Variants in LILRA1 observed in about 807,000 individuals in gnomAD.
The protein encoded by LILRA1 is leukocyte immunoglobulin like receptor A1.
A neutral mutation model predicts 51.6 loss-of-function variants in LILRA1; 51 were observed. The observed-to-expected ratio is 0.99, with a 90% confidence interval of 0.79 to 1.25. The LOEUF is 1.25. Ranked by LOEUF, LILRA1 falls within the 50% of genes most tolerant of loss-of-function variation. The pLI, the probability that LILRA1 is intolerant of heterozygous loss-of-function variation, is 0.00. For missense variants in LILRA1, 660 were observed against 611.7 expected, an observed-to-expected ratio of 1.08 and a Z score of -0.83; for synonymous variants, 305 against 248.4, an observed-to-expected ratio of 1.23 and a Z score of -2.14.
At position 54,600,919 on chromosome 19, in the gene LILRA1, T is replaced by C; in HGVS notation, c.*102T>C. The stretch of plus-strand genomic sequence containing the variant: ...ATGCCAGGAGGTTCCGGGAGACAAT[T>C]TAGGGCTGATGCTATCTGGACTGTC... On this transcript the variant is annotated 3_prime_UTR_variant, in exon 10 of 10. Coordinates refer to ENST00000251372, the MANE Select transcript of LILRA1 (RefSeq NM_006863.4). The C allele has an allele frequency of 7.8e-7, 1 of 1,279,054 alleles. No individual in the cohort carries two copies. Among genetic ancestry groups the C allele is most frequent in the Non-Finnish European group, 1.1e-6 (1 of 876,720 alleles). The allele number at this position is 1,279,054 out of a possible 1,614,324, so 79.2% of individuals were successfully genotyped here. A position where few individuals can be genotyped will look rare whatever the true frequency, so the allele number is the denominator to read the frequency against.
intron 7 of LILRA1, among the ~76,000 whole-genome samples, chr19:54,597,568 T>G (rs1252390711): frequency 6.6e-6 from 1 of 151,548 alleles, no homozygotes; most frequent in East Asian, 1.9e-4. Flanking sequence ...GGAGAACAGG[T>G]CGGGTCAGCA....
rs35534776 is a variant in LILRA1, at chr19:54,595,843, G to A, written c.866G>A (p.Arg289His). The A allele has an allele frequency of 1.9e-5, 30 of 1,612,556 alleles. No homozygotes were observed. The South Asian group carries it at 2.0e-4, about 11-fold the overall frequency. ...AACTTCACCCTGGGCCCTGTGAGCC[G>A]CTCCTACGGGGGCCAGTACAGATGC... is the stretch of plus-strand genomic sequence containing the variant. ...QANFTLGPVS[R>H]SYGGQYRCSG... is the part of the protein sequence containing the mutation. The change falls in exon 6 of 10, where the codon CGC (arginine) becomes CAC (histidine). Residue 289 changes from arginine (R) to histidine (H), a missense_variant. Transcript: ENST00000251372.
In LILRA1 at chr19:54,595,302, G is replaced by A. The variant is rs765391125; in HGVS notation, c.561G>A (p.Val187=). Residue 187 remains valine, a synonymous_variant, in exon 5 of 10, where the codon GTG becomes GTA. Transcript: ENST00000251372. ...GGGCCATCTTCTCTGTGGGCCCCGT[G>A]AGCCCGAGTCGCAGGTGGTCGTACA... ...WSRAIFSVGP[V]SPSRRWSYRC... is the part of the protein sequence containing the mutation. 5.0e-6 allele frequency: 8 copies of A among 1,614,128 alleles called. No homozygotes were observed. The East Asian group carries it at 8.9e-5, about 18-fold the overall frequency.
rs2063149427 is a variant in LILRA1 at position 54,600,757 on chromosome 19, G to C, written c.1410G>C (p.Leu470Phe). 6.2e-7 allele frequency: 1 copy of C among 1,614,002 alleles called. No homozygotes were observed. The highest frequency in any genetic ancestry group is 1.1e-5 in the South Asian group (1 of 91,074). The change falls in exon 10 of 10, where the codon TTG (leucine) becomes TTC (phenylalanine). Residue 470 changes from leucine (L) to phenylalanine (F), a missense_variant. By Grantham distance (22) the Leu-to-Phe change is conservative. Coordinates refer to ENST00000251372, the MANE Select transcript of LILRA1 (RefSeq NM_006863.4). ...ENLIRMGIAG[L>F]VLVVLGILLF... is the part of the protein sequence containing the mutation. ...TCATCCGCATGGGCATAGCTGGCTTGGTCCTGGTGGTCCTCGGGATTCTGC... is the reference window on the plus strand; with the variant it reads ...TCATCCGCATGGGCATAGCTGGCTTCGTCCTGGTGGTCCTCGGGATTCTGC...
chr19:54,594,516 C>G, intron 3 of LILRA1, 40 bp downstream of exon 3: 1 of 1,614,042 alleles, frequency 6.2e-7, no homozygotes, highest in Non-Finnish European at 8.5e-7. Flanking sequence ...CTCCTCCTCA[C>G]TGGGGACAAG....
chr19:54,595,239 A>G lies in LILRA1; in HGVS notation c.498A>G (p.Gln166=). Reference sequence around the variant, plus strand: ...AGGAAGGAGAAGATGAACACCCACAATGCCTGAACTCACAGCCCCGTACCC... The same window carrying G: ...AGGAAGGAGAAGATGAACACCCACAGTGCCTGAACTCACAGCCCCGTACCC... The part of the protein sequence containing the change: ...LCKEGEDEHP[Q]CLNSQPRTHG... The change falls in exon 5 of 10, where the codon CAA becomes CAG. Residue 166 remains glutamine, a synonymous_variant. Coordinates refer to ENST00000251372, the MANE Select transcript of LILRA1 (RefSeq NM_006863.4). The G allele has an allele frequency of 3.1e-6, 5 of 1,613,706 alleles. No homozygotes were observed. Among genetic ancestry groups the G allele is most frequent in the Non-Finnish European group, 4.2e-6 (5 of 1,179,928 alleles).
chr19:54,602,293 A>T lies in LILRA1; in HGVS notation c.*1476A>T, dbSNP rs992149576. On this transcript the variant is annotated 3_prime_UTR_variant, in exon 10 of 10. Coordinates refer to ENST00000251372, the MANE Select transcript of LILRA1 (RefSeq NM_006863.4). ...GCCATCTACCCTCTAGAATAGAGAA[A>T]TCTTATCATTCATCATCTACCCTCC... Among the ~76,000 whole-genome samples the T allele has an allele frequency of 3.5e-5, 5 of 142,076 alleles. No individual in the cohort carries two copies. The highest frequency in any genetic ancestry group is 1.2e-4 in the African/African-American group (5 of 40,772). The allele number at this position is 142,076 out of a possible 152,430, so 93.2% of individuals were successfully genotyped here.
chr19:54,594,857 T>C lies in LILRA1; in HGVS notation c.263T>C (p.Ile88Thr), dbSNP rs200199628. The change falls in exon 4 of 10, where the codon ATC (isoleucine) becomes ACC (threonine). Residue 88 changes from isoleucine (I) to threonine (T), a missense_variant. Transcript: ENST00000251372. The stretch of plus-strand genomic sequence containing the variant: ...AAGGGCCAGTTCCCCATCCCATCCA[T>C]CACCTGGGAACACACAGGGCGGTAT... Reference protein sequence around the residue: ...VKKGQFPIPSITWEHTGRYRC... With the variant: ...VKKGQFPIPSTTWEHTGRYRC... The C allele has an allele frequency of 1.6e-4, 264 of 1,613,968 alleles. No homozygotes were observed. The highest frequency in any genetic ancestry group is 2.2e-4 in the Non-Finnish European group (256 of 1,180,000).
Position 54,602,235 on chromosome 19 carries a change from T to C in LILRA1, c.*1418T>C, listed in dbSNP as rs1316724603. The C allele has an allele frequency of 6.6e-6, 1 of 152,052 alleles. No homozygotes were observed. The highest frequency in any genetic ancestry group is 1.5e-5 in the Non-Finnish European group (1 of 68,022). 9.4% of individuals were successfully genotyped at this position (152,052 alleles called of 1,614,324 possible). On this transcript the variant is annotated 3_prime_UTR_variant, in exon 10 of 10. Coordinates refer to ENST00000251372, the MANE Select transcript of LILRA1 (RefSeq NM_006863.4). ...AATAAAGAAATCTTATCATTCACCGTCTACCCTCTAGAGTAAACAAATCTT... is the reference window on the plus strand; with the variant it reads ...AATAAAGAAATCTTATCATTCACCGCCTACCCTCTAGAGTAAACAAATCTT...
At position 54,598,952 on chromosome 19, in the gene LILRA1, T is replaced by C. The variant is rs528880981; in HGVS notation, c.1262-284T>C. ...CTGGGATTACAGGCGCCCGCCACCA[T>C]GCCCCGCTAATTTTTGTATTTTTAG... On this transcript the variant is annotated intron_variant, in intron 7 of 9. Coordinates refer to ENST00000251372, the MANE Select transcript of LILRA1 (RefSeq NM_006863.4). Among the ~76,000 whole-genome samples the C allele has an allele frequency of 4.6e-5, 7 of 152,070 alleles. No individual in the cohort carries two copies. The East Asian group carries it at 9.7e-4, about 21-fold the overall frequency.
At chr19:54,593,937 A>G (rs2062961769) in intron 1 of LILRA1, among the ~76,000 whole-genome samples, 156 bp downstream of exon 1, 1 of 152,206 alleles carries the variant, frequency 6.6e-6, no homozygotes, top group Non-Finnish European at 1.5e-5. Flanking sequence ...CCCGTCTCTC[A>G]GTGAGAAGAG....
chr19:54,594,841 T>A lies in LILRA1; in HGVS notation c.247T>A (p.Phe83Ile). ...ACAGGAGATTGTGAAGAAGGGCCAGTTCCCCATCCCATCCATCACCTGGGA... is the reference window on the plus strand; with the variant it reads ...ACAGGAGATTGTGAAGAAGGGCCAGATCCCCATCCCATCCATCACCTGGGA... ...IPQEIVKKGQ[F>I]PIPSITWEHT... is the part of the protein sequence containing the mutation. Residue 83 changes from phenylalanine to isoleucine, a missense_variant, in exon 4 of 10, where the codon TTC (phenylalanine) becomes ATC (isoleucine). Coordinates refer to ENST00000251372, the MANE Select transcript of LILRA1 (RefSeq NM_006863.4). The A allele has an allele frequency of 6.2e-7, 1 of 1,614,136 alleles. No individual in the cohort carries two copies. The highest frequency in any genetic ancestry group is 8.5e-7 in the Non-Finnish European group (1 of 1,179,994).
Position 54,602,077 on chromosome 19 carries a change from T to C in LILRA1, c.*1260T>C, listed in dbSNP as rs73939025. On this transcript the variant is annotated 3_prime_UTR_variant, in exon 10 of 10. Coordinates refer to ENST00000251372, the MANE Select transcript of LILRA1 (RefSeq NM_006863.4). ...TACCCTCTAGAATAAAGAAATCTTA[T>C]CATTCGCCATCTACCCTGTAGAATA... 428 of 152,178 alleles carry C rather than the reference T, an allele frequency of 2.8e-3. 3 individuals carry two copies. The highest frequency in any genetic ancestry group is 9.8e-3 in the African/African-American group (408 of 41,458). 9.4% of individuals were successfully genotyped at this position (152,178 alleles called of 1,614,324 possible). A position where few individuals can be genotyped will look rare whatever the true frequency, so the allele number is the denominator to read the frequency against.
At chr19:54,599,153 T>A in intron 7 of LILRA1, 83 bp from the exon 8 acceptor site, 1 of 1,383,132 alleles carries the variant, frequency 7.2e-7, no homozygotes, top group Middle Eastern at 2.7e-4. Context: ...AGGGAGGTTA[T>A]ATAAGTTATA....
Position 54,594,648 on chromosome 19 carries a change from C to A in LILRA1, c.71-17C>A, listed in dbSNP as rs375563330. The A allele has an allele frequency of 1.8e-3, 2,935 of 1,611,278 alleles. 14 individuals carry two copies. The South Asian group carries it at 0.03, about 17-fold the overall frequency. ...GGTGGGAAATGACTTAGAATCTGAA[C>A]TCTGATTTCCTTCCAGGGACCCTCC... On this transcript the variant is annotated splice_polypyrimidine_tract_variant and intron_variant, in intron 3 of 9. Coordinates refer to ENST00000251372, the MANE Select transcript of LILRA1 (RefSeq NM_006863.4).
intron 7 of LILRA1, among the ~76,000 whole-genome samples, chr19:54,597,865 C>T (rs1326038425): frequency 6.6e-6 from 1 of 151,302 alleles, no homozygotes. Flanking sequence ...AATTCCCTAA[C>T]TTGCCAGGGA....
Position 54,595,401 on chromosome 19 carries a change from A to G in LILRA1, c.660A>G (p.Leu220=). The G allele has an allele frequency of 6.2e-7, 1 of 1,604,294 alleles. No individual in the cohort carries two copies. ...GTGATCTCCTGGAGCTCCTGGTCCT[A>G]GGTGAGAAATTCACAGCATTGCCTG... ...LPSDLLELLV[L]GVSKKPSLSV... is the part of the protein sequence containing the mutation. The change falls in exon 5 of 10, where the codon CTA becomes CTG. Residue 220 remains leucine, a splice_region_variant and synonymous_variant. Coordinates refer to ENST00000251372, the MANE Select transcript of LILRA1 (RefSeq NM_006863.4).
chr19:54,596,028 G>T (rs2063044055), intron 6 of LILRA1, 93 bp downstream of exon 6: 1 of 1,553,996 alleles, frequency 6.4e-7, no homozygotes, highest in Admixed American at 1.9e-5. Context: ...GAGGGGTGGG[G>T]GTCCCAAGGG....
intron 3 of LILRA1, 45 bp from the exon 4 acceptor site, chr19:54,594,620 T>A: frequency 1.2e-6 from 2 of 1,608,362 alleles, no homozygotes; most frequent in Non-Finnish European, 1.7e-6. Context: ...CTGAGATATG[T>A]TGGGTGGGAA....
Sources: gnomAD v4.1 joint callset for allele counts (sites outside exome capture counted in the v4.1 genomes callset) on GRCh38, gnomAD v4.1.1 for gene constraint, MANE v1.5 for transcripts, NCBI Gene and HGNC (gene_info 2026-07-23, HGNC 2026-07-21) for gene names.